Variants in BLM observed in about 807,000 individuals in gnomAD.
BLM encodes the protein BLM RecQ like helicase, also known as recQ-like DNA helicase BLM.
Under a neutral mutation model 135.3 loss-of-function variants are expected in BLM, and 95 were observed. That is an observed-to-expected ratio of 0.70 (90% CI 0.59 to 0.83). The LOEUF (loss-of-function observed/expected upper bound fraction) is 0.83. Among genes scored for constraint, BLM ranks in the 40% least tolerant of loss-of-function variants. The pLI is 0.00. For synonymous variants in BLM, 520 were observed against 589.2 expected (o/e 0.88, Z 1.70); for missense variants, 1,518 against 1,663.9 (o/e 0.91, Z 1.53).
At chr15:90,726,374 T>C (rs890733227) in intron 1 of BLM, among the ~76,000 whole-genome samples, 1 of 152,212 alleles carries the variant, frequency 6.6e-6, no homozygotes, top group Non-Finnish European at 1.5e-5. Flanking sequence ...GTTCAAGCAA[T>C]TCTCCTGCCT....
At chr15:90,767,348 A>G (rs1434327283) in intron 10 of BLM, among the ~76,000 whole-genome samples, 1 of 152,220 alleles carries the variant, frequency 6.6e-6, no homozygotes, top group African/African-American at 2.4e-5. Context: ...ATGCAGTACT[A>G]TTACTTAATC....
chr15:90,741,907 AGATTTTAAACACTTGT>A (rs2151140998), intron 1 of BLM, among the ~76,000 whole-genome samples: 1 of 152,316 alleles, frequency 6.6e-6, no homozygotes, highest in Admixed American at 6.5e-5. Context: ...TGTTGGTTCT[AGATTTTAAACACTTGT>A]AATTTTGTGT....
chr15:90,787,959 AAAAG>A lies in BLM; in HGVS notation c.2824-2682_2824-2679del, dbSNP rs554636897. On this transcript the variant is annotated intron_variant, in intron 14 of 21. Coordinates refer to ENST00000355112, the MANE Select transcript of BLM (RefSeq NM_000057.4). Reference sequence around the variant, plus strand: ...AACAAGACTCTATGTCAAAAAAAAAAAAAGAAAGAAAAATTCAGCTTATCCAAGT... The same window carrying A: ...AACAAGACTCTATGTCAAAAAAAAAAAAAGAAAAATTCAGCTTATCCAAGT... 1.0e-3 allele frequency among the ~76,000 whole-genome samples: 156 copies of A among 152,248 alleles called. 4 individuals are homozygous for A. The South Asian group carries it at 0.026, about 25-fold the overall frequency.
At chr15:90,767,102 T>G in intron 10 of BLM, 79 bp downstream of exon 10, 2 of 937,248 alleles carry the variant, frequency 2.1e-6, no homozygotes, top group Non-Finnish European at 3.2e-6. Context: ...AACAAAATTT[T>G]GTATACGTAG....
chr15:90,720,085 C>T (rs1218574359), intron 1 of BLM, among the ~76,000 whole-genome samples: 1 of 152,122 alleles, frequency 6.6e-6, no homozygotes, highest in African/African-American at 2.4e-5. Flanking sequence ...TTTCCTTAAT[C>T]TGGGAAGCCA....
At chr15:90,725,550 G>A (rs890778761) in intron 1 of BLM, among the ~76,000 whole-genome samples, 36 of 149,510 alleles carry the variant, frequency 2.4e-4, no homozygotes, top group African/African-American at 8.4e-4. Context: ...CTGGAGTGCA[G>A]TGGCACCATC....
chr15:90,797,882 C>T (rs565255044), intron 16 of BLM, among the ~76,000 whole-genome samples: 79 of 152,246 alleles, frequency 5.2e-4, no homozygotes, highest in Admixed American at 2.2e-3. Flanking sequence ...GAGCACTATT[C>T]TAGGAGGCAT....
chr15:90,815,423 GTTC>G lies in BLM; in HGVS notation c.*150_*152del, dbSNP rs1567069240. On this transcript the variant is annotated 3_prime_UTR_variant, in exon 22 of 22. Coordinates refer to ENST00000355112, the MANE Select transcript of BLM (RefSeq NM_000057.4). The surrounding 1 kb of genome is among the most constrained non-coding windows in gnomAD (Gnocchi z 4.6). ...TTTAAATAAATGCTGGGGGGTGATA[GTTC>G]TTCTTTTTAAAATAAACATTTTCTT... 1.1e-5 allele frequency: 10 copies of G among 892,198 alleles called. No homozygotes were observed. The highest frequency in any genetic ancestry group is 5.3e-5 in the East Asian group (2 of 37,784). 55.3% of individuals were successfully genotyped at this position (892,198 alleles called of 1,614,324 possible).
At chr15:90,783,846 G>A (rs1280791560) in intron 13 of BLM, among the ~76,000 whole-genome samples, 2 of 152,118 alleles carry the variant, frequency 1.3e-5, no homozygotes, top group Non-Finnish European at 2.9e-5. Flanking sequence ...AGTTGAGATC[G>A]TGCCACTGCA....
intron 1 of BLM, among the ~76,000 whole-genome samples, chr15:90,735,236 A>ATATATAT (rs1895178799): frequency 1.8e-5 from 2 of 108,200 alleles, no homozygotes; most frequent in African/African-American, 3.5e-5. Flanking sequence ...TGCCTAAGTT[A>ATATATAT]ATATATATAT....
intron 11 of BLM, 84 bp from the exon 12 acceptor site, chr15:90,769,354 G>C: frequency 6.4e-7 from 1 of 1,570,354 alleles, no homozygotes; most frequent in Non-Finnish European, 8.8e-7. Context: ...GAATAAGGTA[G>C]TTCTTAATAC....
At chr15:90,781,638 A>C (rs1896619410) in intron 12 of BLM, among the ~76,000 whole-genome samples, 1 of 152,178 alleles carries the variant, frequency 6.6e-6, no homozygotes, top group Non-Finnish European at 1.5e-5. Context: ...AAAAAATAAT[A>C]ATACACTAAC....
intron 9 of BLM, among the ~76,000 whole-genome samples, chr15:90,766,485 T>C (rs1239935201): frequency 1.3e-5 from 2 of 152,182 alleles, no homozygotes; most frequent in African/African-American, 4.8e-5. Context: ...TGGAGTGCGG[T>C]GGTGCAACCT....
rs962069708 is a variant in BLM, at chr15:90,790,692, C to T, written c.2867C>T (p.Pro956Leu). The T allele has an allele frequency of 6.2e-6, 10 of 1,614,114 alleles. No individual in the cohort carries two copies. The highest frequency in any genetic ancestry group is 8.5e-6 in the Non-Finnish European group (10 of 1,180,022). The change falls in exon 15 of 22, where the codon CCG becomes CTG. Residue 956 changes from proline to leucine, a missense_variant. This residue lies in a region of BLM where 626 missense variants were observed against 681.1 expected (regional missense o/e 0.92). Transcript: ENST00000355112. Reference sequence around the variant, plus strand: ...GCATTTGGAATGGGGATTGACAAACCGGACGTGCGATTTGTGATTCATGCA... The same window carrying T: ...GCATTTGGAATGGGGATTGACAAACTGGACGTGCGATTTGTGATTCATGCA... ...TIAFGMGIDK[P>L]DVRFVIHASL...
chr15:90,754,504 GGATCA>G (rs1488986841), intron 4 of BLM, among the ~76,000 whole-genome samples: 6 of 152,128 alleles, frequency 3.9e-5, no homozygotes, highest in Non-Finnish European at 2.9e-5. Context: ...CAAATTGAGA[GGATCA>G]GTGGCAAAAT....
Position 90,749,726 on chromosome 15 carries a change from A to G in BLM, c.458A>G (p.Asp153Gly), listed in dbSNP as rs1895618333. ...SSPDSLSTIN[D>G]WDDMDDFDTS... ...CCAGATTCTTTAAGTACCATCAATG[A>G]TTGGGATGATATGGATGACTTTGAT... Residue 153 changes from aspartate (D) to glycine (G), a missense_variant, in exon 3 of 22, where the codon GAT becomes GGT. Asp to Gly is a moderately conservative substitution (Grantham distance 94). Coordinates refer to ENST00000355112, the MANE Select transcript of BLM (RefSeq NM_000057.4). 1 of 1,614,196 alleles carries G rather than the reference A, an allele frequency of 6.2e-7. No individual in the cohort carries two copies. The highest frequency in any genetic ancestry group is 8.5e-7 in the Non-Finnish European group (1 of 1,180,020).
chr15:90,788,471 G>GTTTTTTTTTTTTTTTTTTTTT (rs35158343), intron 14 of BLM, among the ~76,000 whole-genome samples: 15 of 94,992 alleles, frequency 1.6e-4, no homozygotes, highest in Non-Finnish European at 2.4e-4. Flanking sequence ...CCAGTGTTTT[G>GTTTTTTTTTTTTTTTTTTTTT]TTTTTTTTTT....
chr15:90,762,821 G>T (rs962939126), intron 7 of BLM, 145 bp from the exon 8 acceptor site: 5 of 793,652 alleles, frequency 6.3e-6, no homozygotes, highest in African/African-American at 5.2e-5. Context: ...TTTGAGACTT[G>T]TAGGGAAGGA....
At chr15:90,747,227 G>A (rs1417305646) in intron 1 of BLM, among the ~76,000 whole-genome samples, 162 bp from the exon 2 acceptor site, 2 of 98,856 alleles carry the variant, frequency 2.0e-5, no homozygotes, top group Non-Finnish European at 1.8e-5. Context: ...TGTCAAAACA[G>A]TCTATTGACC....
Sources: allele counts gnomAD v4.1 joint callset (sites outside exome capture counted in the v4.1 genomes callset), GRCh38; gene constraint gnomAD v4.1.1; regional missense constraint gnomAD v4.1.1; non-coding constraint Gnocchi (gnomAD v3.1); transcripts MANE v1.5; gene names NCBI Gene and HGNC (gene_info 2026-07-23, HGNC 2026-07-21).